Variants in SLC8A1 observed in about 807,000 individuals in gnomAD.
SLC8A1 encodes sodium/calcium exchanger 1.
Under a neutral mutation model 68.3 loss-of-function variants are expected in SLC8A1, and 18 were observed. The ratio of observed to expected loss-of-function variants is 0.26; its 90% CI spans 0.18 to 0.39. SLC8A1 has a LOEUF of 0.39. SLC8A1 is among the 10% of genes least tolerant of loss of function. The probability of loss-of-function intolerance (pLI) is 1.00; values close to 1 mark genes in which losing one functional copy is unlikely to be tolerated. For synonymous variants in SLC8A1, 475 were observed against 415.5 expected (o/e 1.14, Z -1.74); for missense variants, 985 against 1,156.7 (o/e 0.85, Z 2.15).
intron 1 of SLC8A1, among the ~76,000 whole-genome samples, chr2:40,449,463 A>T (rs1342962982): frequency 6.6e-6 from 1 of 152,158 alleles, no homozygotes; most frequent in Non-Finnish European, 1.5e-5. Flanking sequence ...AATATATTTT[A>T]TTTTTTCAAA....
chr2:40,135,345 G>A (rs1334964392), intron 7 of SLC8A1, among the ~76,000 whole-genome samples: 3 of 152,200 alleles, frequency 2.0e-5, no homozygotes, highest in Non-Finnish European at 4.4e-5. Context: ...GGGTGAGAGA[G>A]GACAGCTGTG....
chr2:40,231,366 C>G (rs1189109340), intron 2 of SLC8A1, among the ~76,000 whole-genome samples: 5 of 152,116 alleles, frequency 3.3e-5, no homozygotes, highest in Admixed American at 2.6e-4. Flanking sequence ...TATACCTGAT[C>G]CACATCTACA....
chr2:40,441,580 T>C lies in SLC8A1; in HGVS notation c.-25+10324A>G, dbSNP rs531203556. On this transcript the variant is annotated intron_variant, in intron 1 of 7. Transcript: ENST00000406785. ...TACCAAAACAGACATTATAGACCAATAGAACAGAACAGAGACCTCATAAAT... is the reference window on the plus strand; with the variant it reads ...TACCAAAACAGACATTATAGACCAACAGAACAGAACAGAGACCTCATAAAT... 6.5e-4 allele frequency among the ~76,000 whole-genome samples: 99 copies of C among 151,910 alleles called. 1 individual carries two copies. The Middle Eastern group carries it at 0.014, about 21-fold the overall frequency.
At chr2:40,466,209 A>G (rs1272511891) in intron 1 of SLC8A1, among the ~76,000 whole-genome samples, 3 of 152,220 alleles carry the variant, frequency 2.0e-5, no homozygotes, top group African/African-American at 7.2e-5. Context: ...TTAAAGAAAT[A>G]TAGTCCACTG....
intron 1 of SLC8A1, chr2:40,446,271 T>C (rs1222074342): frequency 2.0e-5 from 3 of 152,260 alleles, no homozygotes; most frequent in Non-Finnish European, 4.4e-5. Flanking sequence ...TCATCCTACA[T>C]TTTGGTTTCA....
intron 1 of SLC8A1, among the ~76,000 whole-genome samples, chr2:40,436,132 T>C (rs62149406): frequency 6.6e-6 from 1 of 152,040 alleles, no homozygotes; most frequent in Non-Finnish European, 1.5e-5. Context: ...TGTCTTTCTC[T>C]CTTCAAAAGA....
chr2:40,277,185 T>C (rs74545437), intron 2 of SLC8A1, among the ~76,000 whole-genome samples: 16,857 of 152,156 alleles, frequency 0.11, 1,375 homozygotes, highest in East Asian at 0.28. Context: ...ACACTTGCTT[T>C]GTCAGTTTGT....
chr2:40,376,922 T>G (rs1435394983), intron 2 of SLC8A1, among the ~76,000 whole-genome samples: 1 of 152,074 alleles, frequency 6.6e-6, no homozygotes, highest in East Asian at 1.9e-4. Context: ...ATAGGTAGAA[T>G]TCTAAGATGA....
intron 1 of SLC8A1, among the ~76,000 whole-genome samples, chr2:40,446,952 T>C (rs557097207): frequency 5.9e-4 from 90 of 152,328 alleles, no homozygotes; most frequent in Middle Eastern, 3.4e-3. Flanking sequence ...TCCATAAATA[T>C]CATAATTTGG....
chr2:40,222,325 G>A (rs749123749), intron 2 of SLC8A1, among the ~76,000 whole-genome samples: 17 of 152,214 alleles, frequency 1.1e-4, no homozygotes, highest in Non-Finnish European at 1.9e-4. Flanking sequence ...CTAGCCATAC[G>A]CAGAAAACTG....
intron 2 of SLC8A1, among the ~76,000 whole-genome samples, chr2:40,345,448 G>A (rs1472515310): frequency 6.6e-6 from 1 of 152,044 alleles, no homozygotes; most frequent in African/African-American, 2.4e-5. Context: ...CAAAGCTCAA[G>A]AAGATTGTCA....
intron 2 of SLC8A1, among the ~76,000 whole-genome samples, chr2:40,418,804 C>A (rs1236910651): frequency 6.6e-6 from 1 of 152,184 alleles, no homozygotes; most frequent in South Asian, 2.1e-4. Context: ...GGCAGCCAAA[C>A]TGTGACAGGA....
chr2:40,357,497 TAAAAA>T (rs71406059), intron 2 of SLC8A1, among the ~76,000 whole-genome samples: 3 of 115,520 alleles, frequency 2.6e-5, no homozygotes, highest in South Asian at 5.9e-4. Flanking sequence ...ACCCTGTCTT[TAAAAA>T]AAAAAAAAAA....
chr2:40,151,417 T>A (rs2043401113), intron 6 of SLC8A1, among the ~76,000 whole-genome samples: 1 of 152,240 alleles, frequency 6.6e-6, no homozygotes, highest in African/African-American at 2.4e-5. Context: ...AGACTTAGCA[T>A]TGCCAAGCGC....
chr2:40,178,185 C>T (rs913038425), intron 2 of SLC8A1, among the ~76,000 whole-genome samples: 7 of 152,236 alleles, frequency 4.6e-5, no homozygotes, highest in Admixed American at 6.5e-5. Context: ...AAATTAATCT[C>T]TCAGACGTTA....
At chr2:40,397,150 A>C (rs1687238798) in intron 2 of SLC8A1, among the ~76,000 whole-genome samples, 2 of 152,206 alleles carry the variant, frequency 1.3e-5, no homozygotes, top group African/African-American at 4.8e-5. Context: ...CACAGTGTTT[A>C]AAGTAATTCC....
intron 1 of SLC8A1, among the ~76,000 whole-genome samples, chr2:40,495,690 C>G (rs1475755314): frequency 6.6e-6 from 1 of 152,020 alleles, no homozygotes; most frequent in African/African-American, 2.4e-5. Flanking sequence ...AAAGCCCAGT[C>G]TCCTCATTCT....
intron 2 of SLC8A1, among the ~76,000 whole-genome samples, chr2:40,293,198 G>A (rs1402232216): frequency 6.6e-6 from 1 of 152,046 alleles, no homozygotes; most frequent in Non-Finnish European, 1.5e-5. Context: ...AATTTTTATA[G>A]CATTTTCTCA....
At chr2:40,294,409 G>A (rs2069931328) in intron 2 of SLC8A1, among the ~76,000 whole-genome samples, 1 of 151,996 alleles carries the variant, frequency 6.6e-6, no homozygotes, top group East Asian at 1.9e-4. Context: ...AAGTTGTAGG[G>A]GACCACAGAG....
Sources: gnomAD v4.1 joint callset for allele counts (sites outside exome capture counted in the v4.1 genomes callset) on GRCh38, gnomAD v4.1.1 for gene constraint, MANE v1.5 for transcripts, NCBI Gene and HGNC (gene_info 2026-07-23, HGNC 2026-07-21) for gene names.